Variants in MROH1 observed in about 807,000 individuals in gnomAD.
MROH1 encodes the protein maestro heat-like repeat-containing protein family member 1.
Under a neutral mutation model 116.5 loss-of-function variants are expected in MROH1, and 117 were observed. That is an observed-to-expected ratio of 1.00 (90% CI 0.86 to 1.17). The LOEUF (loss-of-function observed/expected upper bound fraction) is 1.17. Ranked by LOEUF, MROH1 falls within the 50% of genes most tolerant of loss-of-function variation. MROH1 has a pLI of 0.00. For synonymous variants in MROH1, 921 were observed against 583.9 expected, an observed-to-expected ratio of 1.58 and a Z score of -8.32; for missense variants, 1,873 against 1,338.5, an observed-to-expected ratio of 1.40 and a Z score of -6.23.
At position 144,180,652 on chromosome 8, in the gene MROH1, G is replaced by T; in HGVS notation, c.562+129G>T. The T allele has an allele frequency of 1.1e-6, 1 of 877,338 alleles. No homozygotes were observed. The highest frequency in any genetic ancestry group is 1.7e-6 in the Non-Finnish European group (1 of 584,894). The allele number at this position is 877,338 out of a possible 1,614,324, so 54.3% of individuals were successfully genotyped here. On this transcript the variant is annotated intron_variant, in intron 7 of 43. Coordinates refer to ENST00000326134, the MANE Select transcript of MROH1 (RefSeq NM_032450.3). This position sits in a 1 kb window ranked among gnomAD's most constrained non-coding sequence, Gnocchi z 7.4. ...GGAAGGGGGGCTGTTGGAGGGAGGG[G>T]CCCCCTGGCTGAGGCTGCTGGCTGG...
In MROH1 at chr8:144,216,142, G is replaced by A. The variant is rs574018554; in HGVS notation, c.1142-4458G>A. Among the ~76,000 whole-genome samples, 7 of 149,252 alleles carry A rather than the reference G, an allele frequency of 4.7e-5. No homozygotes were observed. The East Asian group carries it at 1.4e-3, about 30-fold the overall frequency. ...TGCAGTGAGCCAAGATTGCACCATT[G>A]CACTCCAGCCTGGGCAGCAAGAGTG... On this transcript the variant is annotated intron_variant, in intron 12 of 43. Transcript: ENST00000326134.
At chr8:144,259,739 C>T (rs1447434597) in intron 37 of MROH1, among the ~76,000 whole-genome samples, 172 bp from the exon 38 acceptor site, 1 of 152,220 alleles carries the variant, frequency 6.6e-6, no homozygotes, top group African/African-American at 2.4e-5. Flanking sequence ...CAGAGCAGGC[C>T]CCAGCGGCAC....
rs1840527906 is a variant in MROH1 at position 144,239,110 on chromosome 8, C to T, written c.1522C>T (p.Leu508Phe). The change falls in exon 16 of 44, where the codon CTC becomes TTC. Residue 508 changes from leucine to phenylalanine, a missense_variant. Transcript: ENST00000326134. Reference sequence around the variant, plus strand: ...GGCCCTGACTCCGCTCTGCAGGAGCCTCGTGCATCTGGCGCAGAAGAGGCA... The same window carrying T: ...GGCCCTGACTCCGCTCTGCAGGAGCTTCGTGCATCTGGCGCAGAAGAGGCA... ...TGALTPLCRS[L>F]VHLAQKRQEA... The T allele has an allele frequency of 1.3e-6, 1 of 775,188 alleles. No homozygotes were observed. Among genetic ancestry groups the T allele is most frequent in the Non-Finnish European group, 2.4e-6 (1 of 417,746 alleles). 48.0% of individuals were successfully genotyped at this position (775,188 alleles called of 1,614,324 possible).
intron 1 of MROH1, among the ~76,000 whole-genome samples, chr8:144,152,620 C>T (rs1286534583): frequency 1.3e-5 from 2 of 151,852 alleles, no homozygotes; most frequent in Non-Finnish European, 2.9e-5. Flanking sequence ...AATCTCGGCT[C>T]ACTGGAAGCT....
rs1829011393 is a variant in MROH1, at chr8:144,192,953, T to C, written c.948+552T>C. The C allele has an allele frequency of 5.0e-5, 12 of 240,872 alleles. No individual in the cohort carries two copies. The South Asian group carries it at 5.3e-4, about 11-fold the overall frequency. The allele number at this position is 240,872 out of a possible 1,614,324, so 14.9% of individuals were successfully genotyped here. On this transcript the variant is annotated intron_variant, in intron 10 of 43. Transcript: ENST00000326134. ...TGGGGGTCATCTGTCCATGGGACTT[T>C]CTGGATGAGAGAGGAGAGGGGCAGG... is the stretch of plus-strand genomic sequence containing the variant.
chr8:144,181,832 G>GC (rs1825798784), intron 7 of MROH1, among the ~76,000 whole-genome samples: 1 of 152,036 alleles, frequency 6.6e-6, no homozygotes, highest in Non-Finnish European at 1.5e-5. Context: ...CACGCACATC[G>GC]CCCCTTCCCG....
At position 144,219,039 on chromosome 8, in the gene MROH1, T is replaced by C. The variant is rs1820743924; in HGVS notation, c.1142-1561T>C. Among the ~76,000 whole-genome samples the C allele has an allele frequency of 2.7e-5, 4 of 149,594 alleles. No homozygotes were observed. In the South Asian group the frequency reaches 8.6e-4, roughly 32 times the overall value. ...TTTTTGTTGTTGTTGTTGTTTGTTT[T>C]TGAGACAGAGTCTCGCTCTGTCGCC... is the stretch of plus-strand genomic sequence containing the variant. On this transcript the variant is annotated intron_variant, in intron 12 of 43. Transcript: ENST00000326134.
intron 4 of MROH1, among the ~76,000 whole-genome samples, chr8:144,172,401 C>CT (rs374363403): frequency 4.6e-4 from 68 of 146,748 alleles, no homozygotes; most frequent in African/African-American, 1.0e-3. Context: ...CAACATTTAA[C>CT]TTTTTTTTTT....
intron 14 of MROH1, among the ~76,000 whole-genome samples, chr8:144,232,690 T>C (rs1470053816): frequency 6.6e-6 from 1 of 152,088 alleles, no homozygotes; most frequent in African/African-American, 2.4e-5. Context: ...AGATGGGTTT[T>C]CACCGTGTTA....
chr8:144,175,158 G>A, intron 4 of MROH1: 4 of 985,234 alleles, frequency 4.1e-6, no homozygotes, highest in Non-Finnish European at 4.8e-6. Flanking sequence ...ATGCCCTGCT[G>A]CACCTGAGCT....
intron 11 of MROH1, 130 bp downstream of exon 11, chr8:144,199,330 C>T (rs1830594196): frequency 2.2e-6 from 2 of 890,828 alleles, no homozygotes; most frequent in Non-Finnish European, 3.5e-6. Flanking sequence ...TCCACCTCTC[C>T]TGGGCCTACC....
In MROH1 at chr8:144,192,398, C is replaced by G. The variant is rs528729023; in HGVS notation, c.945C>G (p.Ser315=). Residue 315 remains serine (S), a synonymous_variant, in exon 10 of 44, where the codon TCC becomes TCG. Transcript: ENST00000326134. ...QLDALLAALH[S]QICVPVESSS... ...ATGCCCTCTTGGCTGCACTGCACTCCCAGGTAGGAGGCGGGCGTCAGGGGG... is the reference window on the plus strand; with the variant it reads ...ATGCCCTCTTGGCTGCACTGCACTCGCAGGTAGGAGGCGGGCGTCAGGGGG... 4.7e-5 allele frequency: 75 copies of G among 1,587,546 alleles called. No individual in the cohort carries two copies. The highest frequency in any genetic ancestry group is 6.1e-5 in the Non-Finnish European group (72 of 1,171,322).
intron 35 of MROH1, among the ~76,000 whole-genome samples, chr8:144,256,614 T>C (rs2129727879): frequency 6.6e-6 from 1 of 152,152 alleles, no homozygotes; most frequent in South Asian, 2.1e-4. Context: ...TGCGAATCAG[T>C]GCCTCCGCCC....
Position 144,168,339 on chromosome 8 carries a change from CT to C in MROH1, c.68del (p.Leu23ArgfsTer44). On this transcript the variant is annotated frameshift_variant, in exon 4 of 44. Coordinates refer to ENST00000326134, the MANE Select transcript of MROH1 (RefSeq NM_032450.3). LOFTEE classifies it high-confidence loss of function. ...GGACGCCATCACCGATAAGGACCCC[CT>C]GGTGCAGGAGCAGGTCTGCAGTGCC... ...LLDAITDKDPLVQEQVCSALC... is the reference protein window; with the variant it reads ...LLDAITDKDPXVQEQVCSALC... 1 of 1,610,460 alleles carries C rather than the reference CT, an allele frequency of 6.2e-7. No homozygotes were observed. Among genetic ancestry groups the C allele is most frequent in the Non-Finnish European group, 8.5e-7 (1 of 1,179,608 alleles).
intron 2 of MROH1, among the ~76,000 whole-genome samples, chr8:144,162,207 C>T (rs1478878262): frequency 1.3e-5 from 2 of 151,486 alleles, no homozygotes; most frequent in African/African-American, 4.9e-5. Context: ...GCCTCAGCCT[C>T]CTGAGTAGCT....
intron 1 of MROH1, among the ~76,000 whole-genome samples, chr8:144,158,702 G>A (rs1213474165): frequency 6.6e-6 from 1 of 151,618 alleles, no homozygotes; most frequent in African/African-American, 2.4e-5. Flanking sequence ...TTCCACTGTG[G>A]TCAGAGAACA....
intron 1 of MROH1, among the ~76,000 whole-genome samples, chr8:144,149,203 G>A (rs1467524976): frequency 6.6e-6 from 1 of 152,148 alleles, no homozygotes; most frequent in African/African-American, 2.4e-5. Flanking sequence ...TTGTGACGTG[G>A]CTGCATGGAC....
chr8:144,167,040 A>G (rs1821000663), intron 3 of MROH1, among the ~76,000 whole-genome samples: 2 of 152,222 alleles, frequency 1.3e-5, no homozygotes, highest in African/African-American at 4.8e-5. Context: ...AGACTGAGTC[A>G]CGCACTGATG....
Position 144,191,773 on chromosome 8 carries a change from G to T in MROH1, c.773G>T (p.Arg258Met). ...ATGAGCCATCTGCTGCCCAGTGAGAGGCTGGAAGAGCAGCTGCCCAAGCTC... is the reference window on the plus strand; with the variant it reads ...ATGAGCCATCTGCTGCCCAGTGAGATGCTGGAAGAGCAGCTGCCCAAGCTC... The part of the protein sequence containing the change: ...GPMSHLLPSE[R>M]LEEQLPKLLP... The change falls in exon 9 of 44, where the codon AGG becomes ATG. Residue 258 changes from arginine to methionine, a missense_variant. By Grantham distance (91) the Arg-to-Met change is moderately conservative. Transcript: ENST00000326134. 3.7e-6 allele frequency: 6 copies of T among 1,613,300 alleles called. No individual in the cohort carries two copies. The highest frequency in any genetic ancestry group is 5.1e-6 in the Non-Finnish European group (6 of 1,179,798).
Sources: gnomAD v4.1 joint callset for allele counts (sites outside exome capture counted in the v4.1 genomes callset) on GRCh38, gnomAD v4.1.1 for gene constraint, Gnocchi (gnomAD v3.1) non-coding constraint, MANE v1.5 for transcripts, NCBI Gene and HGNC (gene_info 2026-07-23, HGNC 2026-07-21) for gene names.